LRRC49: variants seen among roughly 807,000 people sequenced by gnomAD.
The protein encoded by LRRC49 is leucine rich repeat containing 49, also known as leucine-rich repeat-containing protein 49.
In LRRC49, 50 loss-of-function variants were observed where a neutral mutation model predicts 83.3. The ratio of observed to expected loss-of-function variants is 0.60; its 90% CI spans 0.48 to 0.76. The LOEUF (loss-of-function observed/expected upper bound fraction) is 0.76. Among genes scored for constraint, LRRC49 ranks in the 30% least tolerant of loss-of-function variants. The pLI is 0.00. For synonymous variants in LRRC49, 286 were observed against 283.3 expected (o/e 1.01, Z -0.10); for missense variants, 704 against 809.1 (o/e 0.87, Z 1.58).
At chr15:70,966,085 A>T (rs750709890) in intron 9 of LRRC49, among the ~76,000 whole-genome samples, 1 of 152,268 alleles carries the variant, frequency 6.6e-6, no homozygotes, top group East Asian at 1.9e-4. Context: ...TACAAGCCCA[A>T]AATATTTATT....
intron 2 of LRRC49, among the ~76,000 whole-genome samples, chr15:70,877,297 G>T (rs570619691): frequency 6.6e-6 from 1 of 152,010 alleles, no homozygotes; most frequent in East Asian, 1.9e-4. Context: ...ATCACATTGG[G>T]GTATAAAACA....
At chr15:70,880,318 A>G (rs536039495) in intron 2 of LRRC49, among the ~76,000 whole-genome samples, 1 of 152,168 alleles carries the variant, frequency 6.6e-6, no homozygotes, top group Non-Finnish European at 1.5e-5. Flanking sequence ...TTATCCATTC[A>G]TTTTCTTGTT....
intron 1 of LRRC49, chr15:70,859,535 C>G: frequency 1.5e-6 from 1 of 674,762 alleles, no homozygotes; most frequent in Non-Finnish European, 2.8e-6. Context: ...CAACCGCAGC[C>G]AGGCGGAGGC....
At chr15:70,892,141 C>G, upstream of LRRC49, 2 of 1,613,518 alleles carry the variant, frequency 1.2e-6, no homozygotes, top group East Asian at 2.2e-5. Flanking sequence ...TGCCTCCGTA[C>G]CAGTCGGCGC....
In LRRC49 at chr15:70,877,939, C is replaced by G. The variant is rs1167305059; in HGVS notation, c.18+4716C>G. ...GGTCAGGAGATTGAGACCATCCTGG[C>G]TAACATGGTGAAACCCCGTCTCTAC... On this transcript the variant is annotated intron_variant, in intron 2 of 16. Transcript: ENST00000544974. Among the ~76,000 whole-genome samples the G allele has an allele frequency of 2.0e-5, 3 of 152,140 alleles. No homozygotes were observed. The East Asian group carries it at 5.8e-4, about 29-fold the overall frequency.
At chr15:70,972,772 G>A (rs898845689) in intron 9 of LRRC49, among the ~76,000 whole-genome samples, 3 of 151,838 alleles carry the variant, frequency 2.0e-5, no homozygotes, top group Middle Eastern at 3.4e-3. Flanking sequence ...CTGCTTGATC[G>A]ATTTAGCTAT....
chr15:70,906,699 A>G (rs984191462), intron 5 of LRRC49, among the ~76,000 whole-genome samples: 1 of 152,148 alleles, frequency 6.6e-6, no homozygotes, highest in Non-Finnish European at 1.5e-5. Context: ...GTACCAGTCT[A>G]TCTGAGCTTC....
At chr15:70,979,466 G>A (rs1241308166) in intron 9 of LRRC49, among the ~76,000 whole-genome samples, 3 of 145,036 alleles carry the variant, frequency 2.1e-5, no homozygotes, top group Admixed American at 2.1e-4. Context: ...TTTTTTTTTT[G>A]TAGTTAGAAC....
intron 3 of LRRC49, among the ~76,000 whole-genome samples, chr15:70,897,823 C>T (rs1297763266): frequency 6.6e-6 from 1 of 152,128 alleles, no homozygotes; most frequent in Non-Finnish European, 1.5e-5. Context: ...GAGTTAACCC[C>T]TGTCTTTGAG....
rs1023916476 is a variant in LRRC49 at position 71,049,734 on chromosome 15, G to A, written c.*122G>A. On this transcript the variant is annotated 3_prime_UTR_variant, in exon 16 of 16. Coordinates refer to ENST00000260382, the MANE Select transcript of LRRC49 (RefSeq NM_017691.5). ...ATAAACTAGAAAGACTAGTATAAAA[G>A]CATTATTGCCCACTGTTCTCATAGC... 4.7e-6 allele frequency: 3 copies of A among 639,778 alleles called. No homozygotes were observed. The highest frequency in any genetic ancestry group is 5.3e-6 in the Non-Finnish European group (2 of 375,208). 39.6% of individuals were successfully genotyped at this position (639,778 alleles called of 1,614,324 possible).
chr15:70,947,857 A>G lies in LRRC49; in HGVS notation c.773+11035A>G, dbSNP rs139402275. Among the ~76,000 whole-genome samples, 22 of 152,288 alleles carry G rather than the reference A, an allele frequency of 1.4e-4. No individual in the cohort carries two copies. In the East Asian group the frequency reaches 4.2e-3, roughly 29 times the overall value. On this transcript the variant is annotated intron_variant, in intron 8 of 15. Coordinates refer to ENST00000260382, the MANE Select transcript of LRRC49 (RefSeq NM_017691.5). ...CCGCAGCCAGGGACATACAGGACAT[A>G]CTGAATGCTCAATCCTGGGACATAT...
chr15:70,998,585 T>G (rs2141248870), intron 11 of LRRC49, among the ~76,000 whole-genome samples: 1 of 152,284 alleles, frequency 6.6e-6, no homozygotes, highest in Middle Eastern at 3.4e-3. Flanking sequence ...ATGAGTAACT[T>G]CTCTCTCACT....
intron 14 of LRRC49, among the ~76,000 whole-genome samples, chr15:71,022,373 C>CA (rs1030710890): frequency 4.7e-5 from 7 of 148,000 alleles, no homozygotes; most frequent in African/African-American, 1.0e-4. Flanking sequence ...ACCCTGTCTC[C>CA]AAAAAAAACC....
intron 2 of LRRC49, among the ~76,000 whole-genome samples, chr15:70,879,733 C>G (rs1481657074): frequency 6.6e-6 from 1 of 152,170 alleles, no homozygotes; most frequent in Non-Finnish European, 1.5e-5. Flanking sequence ...CCTCTGATTC[C>G]TTAGGCCAGT....
upstream of LRRC49, chr15:70,891,873 G>C: frequency 1.2e-6 from 2 of 1,606,628 alleles, no homozygotes; most frequent in Non-Finnish European, 1.7e-6. Context: ...TTCCCAGCTC[G>C]GGGGCGTGTA....
intron 8 of LRRC49, among the ~76,000 whole-genome samples, chr15:70,940,712 A>G (rs1238309638): frequency 6.6e-6 from 1 of 152,124 alleles, no homozygotes; most frequent in African/African-American, 2.4e-5. Flanking sequence ...GAATGCCTTT[A>G]CTTTTCCTTT....
intron 10 of LRRC49, among the ~76,000 whole-genome samples, chr15:70,983,845 A>AAGTT (rs1877548109): frequency 6.6e-6 from 1 of 152,162 alleles, no homozygotes; most frequent in Non-Finnish European, 1.5e-5. Flanking sequence ...TAATAAAATT[A>AAGTT]AGTTCCTAAA....
intron 2 of LRRC49, chr15:70,881,559 T>C (rs1002646652): frequency 5.9e-5 from 9 of 152,340 alleles, no homozygotes; most frequent in African/African-American, 2.2e-4. Context: ...CAGAAACTAT[T>C]GTAACAGTTT....
intron 8 of LRRC49, among the ~76,000 whole-genome samples, chr15:70,961,159 A>G (rs369774837): frequency 7.2e-5 from 11 of 152,320 alleles, no homozygotes; most frequent in African/African-American, 2.6e-4. Context: ...GCAAGTATGC[A>G]TATGAAAAGA....
Sources: allele counts gnomAD v4.1 joint callset (sites outside exome capture counted in the v4.1 genomes callset), GRCh38; gene constraint gnomAD v4.1.1; transcripts MANE v1.5; gene names NCBI Gene and HGNC (gene_info 2026-07-23, HGNC 2026-07-21).